NEMP1: variants seen among roughly 807,000 people sequenced by gnomAD.
The protein encoded by NEMP1 is transmembrane protein 194.
NEMP1 carries 29 observed loss-of-function variants against 53.7 expected under a neutral mutation model. That is an observed-to-expected ratio of 0.54 (90% CI 0.40 to 0.74). The LOEUF (loss-of-function observed/expected upper bound fraction) is 0.74. NEMP1 is among the 30% of genes least tolerant of loss of function. The probability of loss-of-function intolerance (pLI) is 0.00; values close to 1 mark genes in which losing one functional copy is unlikely to be tolerated. For missense variants in NEMP1, 477 were observed against 528.6 expected, an observed-to-expected ratio of 0.90 and a Z score of 0.96; for synonymous variants, 193 against 192.9, an observed-to-expected ratio of 1.00 and a Z score of 0.00.
intron 3 of NEMP1, 58 bp from the exon 4 acceptor site, chr12:57,069,364 G>A: frequency 1.7e-6 from 2 of 1,172,540 alleles, no homozygotes; most frequent in South Asian, 1.5e-5. Flanking sequence ...AGGTATTATA[G>A]AATAAAAGAC....
chr12:57,064,597 T>G lies in NEMP1; in HGVS notation c.639+49A>C, dbSNP rs369879981. 275 of 1,419,732 alleles carry G rather than the reference T, an allele frequency of 1.9e-4. No homozygotes were observed. The African/African-American group carries it at 3.7e-3, about 19-fold the overall frequency. The allele number at this position is 1,419,732 out of a possible 1,614,324, so 87.9% of individuals were successfully genotyped here. A position where few individuals can be genotyped will look rare whatever the true frequency, so the allele number is the denominator to read the frequency against. ...TAAGATTACCCAGGAAAACAGTCCTTCAGCTATCCAAATTCATTCTAGCTG... is the reference window on the plus strand; with the variant it reads ...TAAGATTACCCAGGAAAACAGTCCTGCAGCTATCCAAATTCATTCTAGCTG... On this transcript the variant is annotated intron_variant, in intron 5 of 8. Transcript: ENST00000300128.
At chr12:57,068,460 C>T (rs529826028) in intron 4 of NEMP1, among the ~76,000 whole-genome samples, 2 of 151,996 alleles carry the variant, frequency 1.3e-5, no homozygotes, top group African/African-American at 2.4e-5. Flanking sequence ...AAGCGGTTCT[C>T]GTGCCTTAGC....
At chr12:57,081,766 G>T (rs938923379), upstream of NEMP1, among the ~76,000 whole-genome samples, 1 of 148,564 alleles carries the variant, frequency 6.7e-6, no homozygotes, top group Non-Finnish European at 1.5e-5. Flanking sequence ...AATTAGTCGG[G>T]CGTGGTGGCA....
chr12:57,079,180 G>A (rs1454944595), upstream of NEMP1, among the ~76,000 whole-genome samples: 3 of 152,130 alleles, frequency 2.0e-5, no homozygotes, highest in African/African-American at 4.8e-5. Context: ...TTTCTGTTAT[G>A]AGACGCCTAC....
At chr12:57,070,589 G>T in intron 3 of NEMP1, 85 bp downstream of exon 3, 1 of 1,192,600 alleles carries the variant, frequency 8.4e-7, no homozygotes, top group Non-Finnish European at 1.2e-6. Flanking sequence ...GTCTTAGGCT[G>T]ACTTCTCAGT....
intron 3 of NEMP1, 146 bp from the exon 4 acceptor site, chr12:57,069,452 A>G: frequency 1.7e-6 from 1 of 580,748 alleles, no homozygotes. Context: ...TTTCACCTAA[A>G]GCCTGGGCAC....
At chr12:57,066,744 T>A (rs2032096792) in intron 4 of NEMP1, among the ~76,000 whole-genome samples, 2 of 152,086 alleles carry the variant, frequency 1.3e-5, no homozygotes, top group South Asian at 2.1e-4. Context: ...CTCCCATCAT[T>A]CCCACGTGTT....
In NEMP1 at chr12:57,060,019, T is replaced by G. The variant is rs2031723534; in HGVS notation, c.1195A>C (p.Asn399His). The G allele has an allele frequency of 6.2e-7, 1 of 1,613,924 alleles. No homozygotes were observed. The highest frequency in any genetic ancestry group is 8.5e-7 in the Non-Finnish European group (1 of 1,179,974). The part of the protein sequence containing the change: ...FVEGSSHLTP[N>H]EVSVHEQEYG... Reference sequence around the variant, plus strand: ...TCCTGCTCATGGACAGAAACTTCATTTGGCGTGAGGTGGGAAGAGCCTTCC... The same window carrying G: ...TCCTGCTCATGGACAGAAACTTCATGTGGCGTGAGGTGGGAAGAGCCTTCC... Residue 399 changes from asparagine (N) to histidine (H), a missense_variant, in exon 9 of 9, where the codon AAT (asparagine) becomes CAT (histidine). By Grantham distance (68) the Asn-to-His change is moderately conservative. Coordinates refer to ENST00000300128, the MANE Select transcript of NEMP1 (RefSeq NM_001130963.2).
Position 57,059,739 on chromosome 12 carries a change from T to A in NEMP1, c.*140A>T, listed in dbSNP as rs2031703108. 1.3e-6 allele frequency: 1 copy of A among 744,122 alleles called. No homozygotes were observed. The allele number at this position is 744,122 out of a possible 1,614,324, so 46.1% of individuals were successfully genotyped here. Reference sequence around the variant, plus strand: ...GACCTCCCATTTCCAAAGGGAGGCCTTTTTAGGCCTCTTATTTCAGTAGGA... The same window carrying A: ...GACCTCCCATTTCCAAAGGGAGGCCATTTTAGGCCTCTTATTTCAGTAGGA... On this transcript the variant is annotated 3_prime_UTR_variant, in exon 9 of 9. Coordinates refer to ENST00000300128, the MANE Select transcript of NEMP1 (RefSeq NM_001130963.2).
chr12:57,076,896 C>G (rs2136517386), intron 1 of NEMP1, among the ~76,000 whole-genome samples: 1 of 144,844 alleles, frequency 6.9e-6, no homozygotes, highest in East Asian at 2.1e-4. Flanking sequence ...GAAACAGGAA[C>G]CGAGATTGCA....
chr12:57,072,310 T>G lies in NEMP1; in HGVS notation c.252+478A>C, dbSNP rs979872367. Among the ~76,000 whole-genome samples, 4 of 152,008 alleles carry G rather than the reference T, an allele frequency of 2.6e-5. No individual in the cohort carries two copies. The South Asian group carries it at 6.2e-4, about 24-fold the overall frequency. ...AAAAAATTGGTCAGGTGTGGTGGCGTATGCCTGTAATCCCAGCTACTTGGG... is the reference window on the plus strand; with the variant it reads ...AAAAAATTGGTCAGGTGTGGTGGCGGATGCCTGTAATCCCAGCTACTTGGG... On this transcript the variant is annotated intron_variant, in intron 2 of 8. Coordinates refer to ENST00000300128, the MANE Select transcript of NEMP1 (RefSeq NM_001130963.2).
chr12:57,068,217 G>A (rs1592506858), intron 4 of NEMP1, among the ~76,000 whole-genome samples: 2 of 151,938 alleles, frequency 1.3e-5, no homozygotes, highest in Middle Eastern at 3.4e-3. Flanking sequence ...CTTTTTACTT[G>A]TATACAAACT....
chr12:57,081,239 G>C (rs914543457), upstream of NEMP1, among the ~76,000 whole-genome samples: 1 of 152,004 alleles, frequency 6.6e-6, no homozygotes, highest in Non-Finnish European at 1.5e-5. Flanking sequence ...CATCATTATG[G>C]GCTTTTTTGT....
At chr12:57,086,112 T>C (rs1387513451) in intron 1 of NEMP1, among the ~76,000 whole-genome samples, 1 of 152,154 alleles carries the variant, frequency 6.6e-6, no homozygotes, top group Non-Finnish European at 1.5e-5. Context: ...GAGCCAAACC[T>C]TGCTGAGTGA....
chr12:57,066,116 G>A (rs1011517303), intron 4 of NEMP1, among the ~76,000 whole-genome samples: 1 of 152,012 alleles, frequency 6.6e-6, no homozygotes, highest in Non-Finnish European at 1.5e-5. Context: ...TTAGCTGGGT[G>A]TGGTGGCAGG....
chr12:57,069,945 C>CA (rs2032270588), intron 3 of NEMP1, among the ~76,000 whole-genome samples: 1 of 151,522 alleles, frequency 6.6e-6, no homozygotes, highest in Non-Finnish European at 1.5e-5. Flanking sequence ...GAAGGAACGT[C>CA]AAAAAACAAG....
Position 57,078,709 on chromosome 12 carries a change from C to G in NEMP1, c.37G>C (p.Val13Leu). 1 of 1,613,266 alleles carries G rather than the reference C, an allele frequency of 6.2e-7. No homozygotes were observed. Among genetic ancestry groups the G allele is most frequent in the African/African-American group, 1.3e-5 (1 of 75,028 alleles). ...CCCGAGCCCCAGGGCCCGGGACCAA[C>G]TGCCGGCGAGACCGCCACTTTCATT... ...GGMKVAVSPA[V>L]GPGPWGSGVG... is the part of the protein sequence containing the mutation. Residue 13 changes from valine (V) to leucine (L), a missense_variant, in exon 1 of 9, where the codon GTT becomes CTT. Coordinates refer to ENST00000300128, the MANE Select transcript of NEMP1 (RefSeq NM_001130963.2).
At chr12:57,082,316 A>T (rs1434389829), upstream of NEMP1, among the ~76,000 whole-genome samples, 2 of 152,234 alleles carry the variant, frequency 1.3e-5, no homozygotes, top group Non-Finnish European at 2.9e-5. Flanking sequence ...AATGGTGCTA[A>T]ATGTACCATA....
chr12:57,063,940 T>A, intron 6 of NEMP1, 131 bp downstream of exon 6: 1 of 573,620 alleles, frequency 1.7e-6, no homozygotes, highest in South Asian at 2.1e-5. Context: ...AGTGAAAAAC[T>A]ATGATTTTTA....
Sources: allele counts gnomAD v4.1 joint callset (sites outside exome capture counted in the v4.1 genomes callset), GRCh38; gene constraint gnomAD v4.1.1; transcripts MANE v1.5; gene names NCBI Gene and HGNC (gene_info 2026-07-23, HGNC 2026-07-21).